GLI2: variants seen among roughly 807,000 people sequenced by gnomAD.
GLI2 encodes the protein transcription activator GLI2.
A neutral mutation model predicts 78.9 loss-of-function variants in GLI2; 22 were observed. The observed-to-expected ratio is 0.28, with a 90% CI of 0.20 to 0.40. The LOEUF is 0.40. Among genes scored for constraint, GLI2 ranks in the 10% least tolerant of loss-of-function variants. GLI2 has a pLI of 1.00. For missense variants in GLI2, 2,097 were observed against 2,213.2 expected (o/e 0.95, Z 1.05); for synonymous variants, 974 against 963.7 (o/e 1.01, Z -0.20).
intron 2 of GLI2, among the ~76,000 whole-genome samples, chr2:120,865,167 T>G (rs1295708541): frequency 6.6e-6 from 1 of 152,064 alleles, no homozygotes; most frequent in African/African-American, 2.4e-5. Context: ...GTGGCTCGAG[T>G]GTCTGAGCGC....
chr2:120,804,665 G>C (rs1037026518), intron 2 of GLI2, among the ~76,000 whole-genome samples: 1 of 152,224 alleles, frequency 6.6e-6, no homozygotes, highest in Non-Finnish European at 1.5e-5. Context: ...TGCTGGGCTT[G>C]TTTTATGGCC....
intron 2 of GLI2, among the ~76,000 whole-genome samples, chr2:120,845,628 C>A (rs985756390): frequency 1.3e-5 from 2 of 152,174 alleles, no homozygotes; most frequent in African/African-American, 4.8e-5. Flanking sequence ...CAGTCGGGAG[C>A]CCCGGTCAGC....
intron 3 of GLI2, among the ~76,000 whole-genome samples, chr2:120,927,998 G>A (rs1018301520): frequency 6.6e-6 from 1 of 152,134 alleles, no homozygotes; most frequent in Non-Finnish European, 1.5e-5. Flanking sequence ...GTCTCCACCT[G>A]CCTAACCCTG....
In GLI2 at chr2:120,791,498, C is replaced by T. The variant is rs374258497; in HGVS notation, c.-30-5793C>T. On this transcript the variant is annotated intron_variant, in intron 1 of 13. Coordinates refer to ENST00000361492, the MANE Select transcript of GLI2 (RefSeq NM_001374353.1). ...TTTAGCTGTCATGAGGTTAGAATGA[C>T]GATTTCCCTTAATCAGGGTGGCGGT... Among the ~76,000 whole-genome samples the T allele has an allele frequency of 5.4e-4, 82 of 152,324 alleles. No homozygotes were observed. The South Asian group carries it at 0.013, about 24-fold the overall frequency.
intron 2 of GLI2, among the ~76,000 whole-genome samples, chr2:120,852,614 G>A (rs1478737030): frequency 2.6e-5 from 4 of 152,156 alleles, no homozygotes; most frequent in African/African-American, 9.7e-5. Context: ...TTATGTGGTT[G>A]GTTTGAGGAA....
At chr2:120,753,240 C>T (rs959552157) in intron 1 of GLI2, among the ~76,000 whole-genome samples, 9 of 152,020 alleles carry the variant, frequency 5.9e-5, no homozygotes, top group East Asian at 5.8e-4. Context: ...GGATTATAGG[C>T]GTCCGCCACC....
intron 1 of GLI2, among the ~76,000 whole-genome samples, chr2:120,773,660 G>T (rs1284927894): frequency 3.3e-5 from 5 of 152,182 alleles, no homozygotes; most frequent in African/African-American, 1.2e-4. Flanking sequence ...CCCCCAGTTG[G>T]CTGTGGGGTG....
At chr2:120,771,641 C>T (rs187117199) in intron 1 of GLI2, among the ~76,000 whole-genome samples, 93 of 152,364 alleles carry the variant, frequency 6.1e-4, no homozygotes, top group Non-Finnish European at 9.8e-4. Flanking sequence ...GGCTGGAGCC[C>T]AGAGCTGTCT....
At chr2:120,873,045 A>T (rs1220583417) in intron 2 of GLI2, among the ~76,000 whole-genome samples, 1 of 152,244 alleles carries the variant, frequency 6.6e-6, no homozygotes, top group Non-Finnish European at 1.5e-5. Context: ...TAGTGTGTGC[A>T]CAATTATTCA....
At chr2:120,928,959 G>A (rs1679821316) in intron 3 of GLI2, among the ~76,000 whole-genome samples, 2 of 152,024 alleles carry the variant, frequency 1.3e-5, no homozygotes, top group East Asian at 1.9e-4. Flanking sequence ...TTTTTTCCTG[G>A]TTCAAGACCC....
chr2:120,984,994 C>T (rs537939789), intron 12 of GLI2, among the ~76,000 whole-genome samples: 3 of 152,294 alleles, frequency 2.0e-5, no homozygotes, highest in South Asian at 2.1e-4. Flanking sequence ...ACAGGGATGC[C>T]GCCCTGTACG....
chr2:120,813,470 TGA>T (rs1685354013), intron 2 of GLI2, among the ~76,000 whole-genome samples: 1 of 152,184 alleles, frequency 6.6e-6, no homozygotes, highest in African/African-American at 2.4e-5. Context: ...TCAGCTGCGT[TGA>T]GTCTTGGGAG....
intron 2 of GLI2, among the ~76,000 whole-genome samples, chr2:120,817,568 C>T (rs1347426859): frequency 6.6e-6 from 1 of 152,240 alleles, no homozygotes; most frequent in Non-Finnish European, 1.5e-5. Context: ...CTGCCTGCCC[C>T]TTTTCCCTCA....
intron 2 of GLI2, among the ~76,000 whole-genome samples, chr2:120,853,162 G>A (rs537019110): frequency 2.0e-5 from 3 of 152,300 alleles, no homozygotes; most frequent in Non-Finnish European, 2.9e-5. Context: ...GGGGCTGGAG[G>A]GGGGTAGGTC....
chr2:120,768,280 C>G (rs141532206), intron 1 of GLI2, among the ~76,000 whole-genome samples: 1 of 152,190 alleles, frequency 6.6e-6, no homozygotes, highest in Non-Finnish European at 1.5e-5. Context: ...GACTTATCCC[C>G]GTCTCAGAGG....
intron 2 of GLI2, among the ~76,000 whole-genome samples, chr2:120,841,188 A>G (rs1198022073): frequency 6.6e-6 from 1 of 152,048 alleles, no homozygotes; most frequent in Non-Finnish European, 1.5e-5. Flanking sequence ...ATTATTATCC[A>G]CTCCCTGCAA....
chr2:120,967,817 C>T (rs888797368), intron 5 of GLI2, among the ~76,000 whole-genome samples: 8 of 152,236 alleles, frequency 5.3e-5, no homozygotes, highest in Non-Finnish European at 1.2e-4. Context: ...GACCTCAGTA[C>T]GCAGAAGCAC....
chr2:120,818,893 G>A (rs935945604), intron 2 of GLI2, among the ~76,000 whole-genome samples: 1 of 152,180 alleles, frequency 6.6e-6, no homozygotes, highest in African/African-American at 2.4e-5. Flanking sequence ...ACCTTATGCT[G>A]ATAACCTGCT....
intron 2 of GLI2, among the ~76,000 whole-genome samples, chr2:120,819,873 G>A (rs776926075): frequency 6.6e-6 from 1 of 152,210 alleles, no homozygotes; most frequent in East Asian, 1.9e-4. Flanking sequence ...TCATCCTGCT[G>A]CTGGGGGAAG....
Sources: gnomAD v4.1 joint callset for allele counts (sites outside exome capture counted in the v4.1 genomes callset) on GRCh38, gnomAD v4.1.1 for gene constraint, MANE v1.5 for transcripts, NCBI Gene and HGNC (gene_info 2026-07-23, HGNC 2026-07-21) for gene names.